The following KIAA1217 variants were observed in gnomAD, a reference collection of about 807,000 sequenced individuals.
The protein encoded by KIAA1217 is KIAA1217.
KIAA1217 carries 88 observed loss-of-function variants against 163.9 expected under a neutral mutation model. That is an observed-to-expected ratio of 0.54 (90% CI 0.45 to 0.64). KIAA1217 has a LOEUF of 0.64. Ranked by LOEUF, KIAA1217 falls within the 30% of genes least tolerant of loss-of-function variation. The pLI is 0.00. For missense variants in KIAA1217, 2,372 were observed against 2,475.0 expected, an observed-to-expected ratio of 0.96 and a Z score of 0.88; for synonymous variants, 903 against 923.1, an observed-to-expected ratio of 0.98 and a Z score of 0.39.
At position 24,522,725 on chromosome 10, in the gene KIAA1217, A is replaced by T. The variant is rs144976171; in HGVS notation, c.2456+796A>T. Among the ~76,000 whole-genome samples the T allele has an allele frequency of 5.3e-4, 81 of 152,360 alleles. No homozygotes were observed. In the East Asian group the frequency reaches 0.012, roughly 23 times the overall value. The stretch of plus-strand genomic sequence containing the variant: ...AGAAGTACCTTCACTGGCCAGGCAC[A>T]GTGGCTCACACCTGTCATCCCCGCA... On this transcript the variant is annotated intron_variant, in intron 12 of 20. Coordinates refer to ENST00000376454, the MANE Select transcript of KIAA1217 (RefSeq NM_019590.5).
chr10:23,765,187 CTTTTTTTTTTT>C (rs67342339), intron 1 of KIAA1217, among the ~76,000 whole-genome samples: 1 of 75,364 alleles, frequency 1.3e-5, no homozygotes, highest in Non-Finnish European at 2.3e-5. Context: ...TTTTTGTTCT[CTTTTTTTTTTT>C]TTTTTTTTTT....
At chr10:24,132,969 T>C (rs1342778438) in intron 2 of KIAA1217, among the ~76,000 whole-genome samples, 2 of 152,094 alleles carry the variant, frequency 1.3e-5, no homozygotes, top group Non-Finnish European at 2.9e-5. Context: ...TGGCTAGTTA[T>C]TCAGATGGCA....
chr10:23,882,201 C>T (rs1840979956), intron 1 of KIAA1217, among the ~76,000 whole-genome samples: 2 of 151,914 alleles, frequency 1.3e-5, no homozygotes, highest in Non-Finnish European at 2.9e-5. Context: ...TTCATATTCT[C>T]ATATATACCT....
At chr10:24,242,627 A>G (rs1386566932) in intron 2 of KIAA1217, among the ~76,000 whole-genome samples, 2 of 152,176 alleles carry the variant, frequency 1.3e-5, no homozygotes, top group African/African-American at 4.8e-5. Context: ...TACTGAGTCA[A>G]ATGGTAGTTC....
At chr10:24,520,026 T>C in intron 10 of KIAA1217, 97 bp from the exon 11 acceptor site, 2 of 1,410,066 alleles carry the variant, frequency 1.4e-6, no homozygotes, top group Non-Finnish European at 1.9e-6. Flanking sequence ...GCTGGGGCTC[T>C]ACACAAAATC....
At chr10:24,225,342 T>C (rs1334673433) in intron 2 of KIAA1217, among the ~76,000 whole-genome samples, 2 of 152,136 alleles carry the variant, frequency 1.3e-5, no homozygotes, top group African/African-American at 4.8e-5. Flanking sequence ...CAGATTGGTC[T>C]TCAAAGCCTG....
chr10:24,099,849 T>A (rs1800314347), intron 2 of KIAA1217, among the ~76,000 whole-genome samples: 1 of 151,654 alleles, frequency 6.6e-6, no homozygotes, highest in Admixed American at 6.6e-5. Flanking sequence ...GTTTGGTTTT[T>A]TTGTCCTTGC....
At chr10:23,979,996 T>C (rs1845698805) in intron 1 of KIAA1217, among the ~76,000 whole-genome samples, 1 of 152,226 alleles carries the variant, frequency 6.6e-6, no homozygotes. Context: ...TGATTGTTTT[T>C]CTTTTACAGC....
At chr10:24,340,101 G>T (rs976739931) in intron 2 of KIAA1217, among the ~76,000 whole-genome samples, 2 of 152,204 alleles carry the variant, frequency 1.3e-5, no homozygotes, top group African/African-American at 4.8e-5. Flanking sequence ...ATTTGGGACT[G>T]GGTAGGAGAA....
chr10:24,067,844 G>A (rs1335407207), intron 2 of KIAA1217, among the ~76,000 whole-genome samples: 2 of 152,188 alleles, frequency 1.3e-5, no homozygotes, highest in Admixed American at 6.5e-5. Context: ...GAGCAATGGC[G>A]GGTGCCCCTC....
chr10:24,515,985 C>T (rs2070075838), intron 10 of KIAA1217, among the ~76,000 whole-genome samples: 1 of 152,178 alleles, frequency 6.6e-6, no homozygotes, highest in Non-Finnish European at 1.5e-5. Context: ...GCAGGAGGAT[C>T]GTTTGAGCCC....
chr10:24,079,920 T>C (rs2061486563), intron 2 of KIAA1217, among the ~76,000 whole-genome samples: 1 of 152,104 alleles, frequency 6.6e-6, no homozygotes, highest in Non-Finnish European at 1.5e-5. Flanking sequence ...TCCTGGCACA[T>C]CCAAGACTGG....
chr10:24,398,964 C>T (rs555862527), intron 3 of KIAA1217, among the ~76,000 whole-genome samples: 32 of 152,166 alleles, frequency 2.1e-4, no homozygotes, highest in African/African-American at 7.5e-4. Context: ...TTAGAGAGAC[C>T]ATTAACAACT....
chr10:23,995,349 C>T (rs1846422288), intron 1 of KIAA1217, among the ~76,000 whole-genome samples: 1 of 152,164 alleles, frequency 6.6e-6, no homozygotes, highest in Non-Finnish European at 1.5e-5. Context: ...GGAAAAACCA[C>T]TGCTTAGGAA....
At chr10:24,367,766 G>A (rs1165735700) in intron 2 of KIAA1217, among the ~76,000 whole-genome samples, 1 of 152,210 alleles carries the variant, frequency 6.6e-6, no homozygotes, top group Non-Finnish European at 1.5e-5. Context: ...ACTGTTCTAA[G>A]TGCCTTACAA....
chr10:24,424,264 A>G (rs1057421168), intron 3 of KIAA1217, among the ~76,000 whole-genome samples: 7 of 152,242 alleles, frequency 4.6e-5, no homozygotes, highest in Non-Finnish European at 8.8e-5. Flanking sequence ...TCCTAGAGCC[A>G]TTTGAGGAAC....
At chr10:23,821,905 G>T (rs1212135525) in intron 1 of KIAA1217, among the ~76,000 whole-genome samples, 1 of 152,100 alleles carries the variant, frequency 6.6e-6, no homozygotes, top group African/African-American at 2.4e-5. Flanking sequence ...AACCCTTGGG[G>T]CCTAAGCCAC....
chr10:23,956,155 G>C (rs927963958), intron 1 of KIAA1217, among the ~76,000 whole-genome samples: 19 of 152,162 alleles, frequency 1.2e-4, no homozygotes, highest in African/African-American at 4.3e-4. Context: ...TGCAACTTAG[G>C]AACACTCTCT....
chr10:24,146,699 G>T (rs2131846686), intron 2 of KIAA1217, among the ~76,000 whole-genome samples: 1 of 151,800 alleles, frequency 6.6e-6, no homozygotes, highest in East Asian at 1.9e-4. Flanking sequence ...AAAAAAAAAA[G>T]AAAAAAGAAA....
Sources: gnomAD v4.1 joint callset for allele counts (sites outside exome capture counted in the v4.1 genomes callset) on GRCh38, gnomAD v4.1.1 for gene constraint, MANE v1.5 for transcripts, NCBI Gene and HGNC (gene_info 2026-07-23, HGNC 2026-07-21) for gene names.